Variants in SPATA1 observed in about 807,000 individuals in gnomAD.
SPATA1 encodes the protein spermatogenesis associated 1, also known as spermatogenesis-associated protein 1.
Under a neutral mutation model 59.6 loss-of-function variants are expected in SPATA1, and 57 were observed. The ratio of observed to expected loss-of-function variants is 0.96; its 90% CI spans 0.77 to 1.19. The LOEUF (loss-of-function observed/expected upper bound fraction) is 1.19, where lower values mean the gene tolerates loss of function less well. Among genes scored for constraint, SPATA1 ranks in the 50% most tolerant of loss-of-function variants. The pLI, the probability that SPATA1 is intolerant of heterozygous loss-of-function variation, is 0.00. For synonymous variants in SPATA1, 147 were observed against 163.9 expected, an observed-to-expected ratio of 0.90 and a Z score of 0.79; for missense variants, 448 against 480.7, an observed-to-expected ratio of 0.93 and a Z score of 0.64.
chr1:84,555,731 T>C (rs2102015154), downstream of SPATA1, among the ~76,000 whole-genome samples: 1 of 152,346 alleles, frequency 6.6e-6, no homozygotes, highest in Middle Eastern at 3.4e-3. Context: ...TACAGATTCC[T>C]GGGTCCCACA....
intron 10 of SPATA1, among the ~76,000 whole-genome samples, chr1:84,546,928 G>T (rs1479458665): frequency 1.3e-5 from 2 of 152,154 alleles, no homozygotes; most frequent in Non-Finnish European, 2.9e-5. Context: ...GACAGTACAT[G>T]ATGGTGGCTT....
chr1:84,509,879 A>T (rs1214735683), intron 1 of SPATA1, among the ~76,000 whole-genome samples: 1 of 152,006 alleles, frequency 6.6e-6, no homozygotes, highest in Non-Finnish European at 1.5e-5. Context: ...AACGAATGGG[A>T]TTACATCAAG....
chr1:84,543,693 G>A (rs1683984832), intron 8 of SPATA1, among the ~76,000 whole-genome samples: 1 of 152,076 alleles, frequency 6.6e-6, no homozygotes, highest in South Asian at 2.1e-4. Flanking sequence ...TGGGGACACA[G>A]ATCCAAATCA....
chr1:84,550,282 C>A (rs1031384560), intron 11 of SPATA1, 150 bp from the exon 12 acceptor site: 5 of 406,092 alleles, frequency 1.2e-5, no homozygotes, highest in South Asian at 2.2e-4. Context: ...ATAGTAATTT[C>A]TCCAAAGCAA....
At chr1:84,533,712 G>A (rs1339604075) in exon 8 of SPATA1, 2 of 1,562,090 alleles carry the variant, frequency 1.3e-6, no homozygotes, top group Non-Finnish European at 1.7e-6. Flanking sequence ...CTTTAAGTCA[G>A]TGTCTTTGGG....
rs979215231 is a variant in SPATA1, at chr1:84,551,224, C to T, written c.1224+694C>T. On this transcript the variant is annotated intron_variant, in intron 12 of 12. Transcript: ENST00000490879. ...CCACAGCAAGGCAGGAAAATGAGAA[C>T]GATAATTATATGAATGCTCTCATTT... is the stretch of plus-strand genomic sequence containing the variant. The T allele has an allele frequency of 3.2e-5, 32 of 984,902 alleles. No homozygotes were observed. The South Asian group carries it at 5.2e-4, about 16-fold the overall frequency. 61.0% of individuals were successfully genotyped at this position (984,902 alleles called of 1,614,324 possible).
intron 4 of SPATA1, among the ~76,000 whole-genome samples, chr1:84,559,843 G>A (rs1404494849): frequency 2.6e-5 from 4 of 152,066 alleles, no homozygotes; most frequent in African/African-American, 9.7e-5. Flanking sequence ...CCAGGCCTTT[G>A]GGAGGCCAAG....
chr1:84,558,688 G>C (rs1310794118), downstream of SPATA1, among the ~76,000 whole-genome samples: 1 of 151,654 alleles, frequency 6.6e-6, no homozygotes, highest in Non-Finnish European at 1.5e-5. Context: ...ATCACTTGAG[G>C]CCAGGAGTTC....
At chr1:84,553,534 T>C (rs893581211) in exon 13 of SPATA1, 8 of 151,116 alleles carry the variant, frequency 5.3e-5, no homozygotes, top group Admixed American at 6.6e-5. Context: ...CATTATATCT[T>C]AATTAAAAGA....
At chr1:84,527,591 C>T (rs997603311) in intron 6 of SPATA1, 3 of 151,918 alleles carry the variant, frequency 2.0e-5, no homozygotes, top group African/African-American at 7.3e-5. Flanking sequence ...CATACAGACT[C>T]TTAAAGCCTC....
intron 1 of SPATA1, among the ~76,000 whole-genome samples, chr1:84,512,206 A>T (rs1025470267): frequency 6.6e-6 from 1 of 152,192 alleles, no homozygotes; most frequent in African/African-American, 2.4e-5. Context: ...CTGTATTCTG[A>T]TTTTTTTATT....
At chr1:84,521,100 G>C (rs184941191) in intron 3 of SPATA1, among the ~76,000 whole-genome samples, 1 of 149,644 alleles carries the variant, frequency 6.7e-6, no homozygotes. Flanking sequence ...AACAGAGTGA[G>C]ACTCTGCCAA....
chr1:84,506,820 A>T (rs1682274025), intron 1 of SPATA1: 2 of 152,230 alleles, frequency 1.3e-5, no homozygotes, highest in African/African-American at 4.8e-5. Context: ...TGGAGAAGGG[A>T]TCTTCTCGAG....
At chr1:84,507,318 TCAA>T (rs977759973) in intron 1 of SPATA1, 13 of 152,244 alleles carry the variant, frequency 8.5e-5, no homozygotes, top group Non-Finnish European at 1.9e-4. Flanking sequence ...ATTTATTTAC[TCAA>T]CAGTTTATAT....
chr1:84,554,721 A>G (rs1411497805), downstream of SPATA1: 1 of 278,240 alleles, frequency 3.6e-6, no homozygotes, highest in Non-Finnish European at 6.7e-6. Flanking sequence ...ATGGCATAAT[A>G]AAATTCTGAA....
At chr1:84,553,174 G>T (rs1351515903) in exon 13 of SPATA1, 4 of 1,055,848 alleles carry the variant, frequency 3.8e-6, no homozygotes, top group South Asian at 1.6e-5. Context: ...ATATGTATTT[G>T]AACAGATTTG....
chr1:84,557,857 CAAAA>C (rs375521066), downstream of SPATA1, among the ~76,000 whole-genome samples: 3 of 117,848 alleles, frequency 2.5e-5, no homozygotes. Context: ...GACTCCATCT[CAAAA>C]AAAAAAAAAA....
intron 8 of SPATA1, among the ~76,000 whole-genome samples, chr1:84,540,876 G>A (rs963105479): frequency 2.6e-5 from 4 of 152,212 alleles, no homozygotes; most frequent in African/African-American, 9.6e-5. Context: ...AGGAATATAT[G>A]ACAGAAACCA....
chr1:84,508,203 G>A (rs57442052), intron 1 of SPATA1, among the ~76,000 whole-genome samples: 27,253 of 151,464 alleles, frequency 0.18, 2,500 homozygotes, highest in South Asian at 0.31. Flanking sequence ...AGATTCGCTT[G>A]AACCTGGGAG....
Sources: gnomAD v4.1 joint callset for allele counts (sites outside exome capture counted in the v4.1 genomes callset) on GRCh38, gnomAD v4.1.1 for gene constraint, MANE v1.5 for transcripts, NCBI Gene and HGNC (gene_info 2026-07-23, HGNC 2026-07-21) for gene names.